Variants in DNAAF4 observed in about 807,000 individuals in gnomAD.
DNAAF4 encodes the protein dynein assembly factor 4, axonemal.
A neutral mutation model predicts 51.8 loss-of-function variants in DNAAF4; 43 were observed. That is an observed-to-expected ratio of 0.83 (90% CI 0.65 to 1.07). The LOEUF (loss-of-function observed/expected upper bound fraction) is 1.07. Ranked by LOEUF, DNAAF4 falls within the 50% of genes least tolerant of loss-of-function variation. The pLI is 0.00. For missense variants in DNAAF4, 581 were observed against 493.0 expected (o/e 1.18, Z -1.69); for synonymous variants, 194 against 165.6 (o/e 1.17, Z -1.32).
chr15:55,420,530 T>C (rs188822844), intron 7 of DNAAF4, among the ~76,000 whole-genome samples: 1 of 152,296 alleles, frequency 6.6e-6, no homozygotes, highest in Admixed American at 6.5e-5. Context: ...AATCTTCTAA[T>C]CATAAAATTT....
At chr15:55,478,520 T>C (rs762662549) in intron 4 of DNAAF4, among the ~76,000 whole-genome samples, 10 of 152,150 alleles carry the variant, frequency 6.6e-5, no homozygotes, top group Non-Finnish European at 1.5e-5. Flanking sequence ...CCAGTCAACA[T>C]ACAGCTTAAA....
At chr15:55,504,885 C>A (rs760909314) in intron 1 of DNAAF4, among the ~76,000 whole-genome samples, 29 of 152,202 alleles carry the variant, frequency 1.9e-4, no homozygotes, top group Non-Finnish European at 3.2e-4. Flanking sequence ...ACTAAAGCAC[C>A]AAAAGCAATG....
chr15:55,464,649 G>A (rs1244679028), intron 5 of DNAAF4, among the ~76,000 whole-genome samples: 2 of 152,154 alleles, frequency 1.3e-5, no homozygotes. Context: ...CTAAGGACAT[G>A]AATAGACAAT....
At chr15:55,445,147 T>C (rs1032075361) in intron 6 of DNAAF4, among the ~76,000 whole-genome samples, 2 of 148,804 alleles carry the variant, frequency 1.3e-5, no homozygotes, top group Non-Finnish European at 3.0e-5. Flanking sequence ...GATAAACACA[T>C]GAACAAAGGT....
chr15:55,479,096 C>G (rs1287153860), intron 4 of DNAAF4, among the ~76,000 whole-genome samples: 1 of 150,834 alleles, frequency 6.6e-6, no homozygotes, highest in Non-Finnish European at 1.5e-5. Context: ...GCACATTTTC[C>G]CCTGGGAAGG....
chr15:55,473,187 T>TAAAAAAAAAA (rs879351208), intron 4 of DNAAF4, among the ~76,000 whole-genome samples: 2 of 27,534 alleles, frequency 7.3e-5, no homozygotes, highest in East Asian at 3.6e-3. Context: ...AAAAAAAACC[T>TAAAAAAAAAA]AAAAAAAAAA....
chr15:55,503,578 G>A (rs909148562), intron 1 of DNAAF4, among the ~76,000 whole-genome samples: 21 of 152,224 alleles, frequency 1.4e-4, no homozygotes, highest in African/African-American at 5.1e-4. Context: ...TATCCACCAC[G>A]ATCAAGTCGG....
At chr15:55,438,247 A>G (rs890691631) in intron 7 of DNAAF4, among the ~76,000 whole-genome samples, 1 of 151,688 alleles carries the variant, frequency 6.6e-6, no homozygotes, top group African/African-American at 2.4e-5. Flanking sequence ...GCTACTGAGG[A>G]GGCTGAGGCA....
At chr15:55,487,983 C>T (rs1232445654) in intron 4 of DNAAF4, among the ~76,000 whole-genome samples, 1 of 152,104 alleles carries the variant, frequency 6.6e-6, no homozygotes, top group Non-Finnish European at 1.5e-5. Flanking sequence ...GCTTTAAAAG[C>T]ACTTCTGCAA....
chr15:55,438,334 A>C (rs1328720070), intron 7 of DNAAF4, among the ~76,000 whole-genome samples: 1 of 136,696 alleles, frequency 7.3e-6, no homozygotes, highest in Non-Finnish European at 1.6e-5. Context: ...CTGGGGACCA[A>C]GAGCGAGACT....
chr15:55,447,074 C>T (rs1348989302), intron 6 of DNAAF4, among the ~76,000 whole-genome samples: 5 of 143,032 alleles, frequency 3.5e-5, no homozygotes, highest in Admixed American at 1.4e-4. Context: ...GGGCAGCTGA[C>T]GGGCAGAGGT....
At chr15:55,439,684 G>GCTATGCACT in intron 6 of DNAAF4, 103 bp from the exon 7 acceptor site, 1 of 960,102 alleles carries the variant, frequency 1.0e-6, no homozygotes, top group Non-Finnish European at 1.5e-6. Flanking sequence ...AATATTATTT[G>GCTATGCACT]CTATGCACTG....
At chr15:55,502,644 TAA>T (rs889026774) in intron 1 of DNAAF4, among the ~76,000 whole-genome samples, 2 of 151,780 alleles carry the variant, frequency 1.3e-5, no homozygotes, top group South Asian at 4.2e-4. Flanking sequence ...TGATGACTGG[TAA>T]AAAAAAGTAG....
In DNAAF4 at chr15:55,467,292, T is replaced by C. The variant is rs912391985; in HGVS notation, c.406-131A>G. ...CCATTGTATTTGTAACAATAGGTAG[T>C]AGTGAATTATGAATTAAAATGGGAA... On this transcript the variant is annotated intron_variant, in intron 4 of 9. Coordinates refer to ENST00000321149, the MANE Select transcript of DNAAF4 (RefSeq NM_130810.4). The C allele has an allele frequency of 7.0e-5, 60 of 860,064 alleles. No individual in the cohort carries two copies. In the African/African-American group the frequency reaches 9.6e-4, roughly 14 times the overall value. 53.3% of individuals were successfully genotyped at this position (860,064 alleles called of 1,614,324 possible). A position where few individuals can be genotyped will look rare whatever the true frequency, so the allele number is the denominator to read the frequency against.
intron 1 of DNAAF4, among the ~76,000 whole-genome samples, chr15:55,507,482 A>T (rs1312639280): frequency 6.6e-6 from 1 of 152,220 alleles, no homozygotes. Flanking sequence ...GAATGGTTGT[A>T]TGGGTACTCA....
chr15:55,491,982 G>A (rs1411183822), intron 3 of DNAAF4, among the ~76,000 whole-genome samples: 2 of 150,534 alleles, frequency 1.3e-5, no homozygotes, highest in East Asian at 3.9e-4. Context: ...TCAGCTTCCT[G>A]AGTAGCTGGG....
intron 1 of DNAAF4, among the ~76,000 whole-genome samples, chr15:55,499,388 A>G (rs574064705): frequency 1.3e-5 from 2 of 152,266 alleles, no homozygotes; most frequent in South Asian, 4.2e-4. Context: ...CATTTGTATA[A>G]ACGAACCTGA....
chr15:55,433,956 T>TA (rs1277889761), intron 8 of DNAAF4, among the ~76,000 whole-genome samples: 1 of 48,842 alleles, frequency 2.0e-5, no homozygotes, highest in African/African-American at 1.3e-4. Context: ...ATATATATAA[T>TA]ATATATAATA....
At chr15:55,482,530 C>T (rs2058426354) in intron 4 of DNAAF4, among the ~76,000 whole-genome samples, 1 of 151,798 alleles carries the variant, frequency 6.6e-6, no homozygotes, top group Non-Finnish European at 1.5e-5. Context: ...ATACAAAAAA[C>T]GAGCTGGGCA....
Sources: allele counts gnomAD v4.1 joint callset (sites outside exome capture counted in the v4.1 genomes callset), GRCh38; gene constraint gnomAD v4.1.1; transcripts MANE v1.5; gene names NCBI Gene and HGNC (gene_info 2026-07-23, HGNC 2026-07-21).